The following CFAP52 variants were observed in gnomAD, a reference collection of about 807,000 sequenced individuals.
CFAP52 encodes cilia and flagella associated protein 52.
In CFAP52, 57 loss-of-function variants were observed where a neutral mutation model predicts 70.5. The observed-to-expected ratio is 0.81, with a 90% CI of 0.65 to 1.01. The LOEUF (loss-of-function observed/expected upper bound fraction) is 1.01. Ranked by LOEUF, CFAP52 falls within the 50% of genes least tolerant of loss-of-function variation. The pLI is 0.00. For synonymous variants in CFAP52, 267 were observed against 292.5 expected (o/e 0.91, Z 0.89); for missense variants, 785 against 788.5 (o/e 1.00, Z 0.05).
intron 1 of CFAP52, among the ~76,000 whole-genome samples, chr17:9,582,008 TGTA>T (rs1908250433): frequency 6.6e-6 from 1 of 152,230 alleles, no homozygotes; most frequent in Non-Finnish European, 1.5e-5. Flanking sequence ...GTGAGCAATA[TGTA>T]TTCCTTCCAT....
intron 9 of CFAP52, 73 bp from the exon 10 acceptor site, chr17:9,632,815 G>C: frequency 1.3e-6 from 2 of 1,555,148 alleles, no homozygotes; most frequent in Non-Finnish European, 1.7e-6. Flanking sequence ...CCTCTCCTTA[G>C]TGAGGCCAGC....
intron 4 of CFAP52, among the ~76,000 whole-genome samples, chr17:9,594,859 T>C (rs1349419203): frequency 1.3e-5 from 2 of 151,418 alleles, no homozygotes; most frequent in African/African-American, 4.8e-5. Context: ...GATTCACTAA[T>C]TAGAACCTTG....
chr17:9,605,072 T>C (rs2151938785), intron 6 of CFAP52, among the ~76,000 whole-genome samples: 1 of 152,306 alleles, frequency 6.6e-6, no homozygotes, highest in African/African-American at 2.4e-5. Flanking sequence ...TACCATGTAA[T>C]GCAGCAGTTG....
Position 9,594,191 on chromosome 17 carries a change from A to G in CFAP52, c.408-2A>G. ...TTTTTTTGGTCCCTCTTATTTTGGC[A>G]GTGTGGTGGTGTGGAGCATAGCCAA... On this transcript the variant is annotated splice_acceptor_variant, in intron 3 of 13. Transcript: ENST00000352665. LOFTEE classifies it high-confidence loss of function. 1 of 1,562,522 alleles carries G rather than the reference A, an allele frequency of 6.4e-7. No homozygotes were observed. Among genetic ancestry groups the G allele is most frequent in the Non-Finnish European group, 8.6e-7 (1 of 1,157,508 alleles).
chr17:9,638,772 G>A (rs1910923003), intron 12 of CFAP52, 61 bp downstream of exon 12: 1 of 1,536,150 alleles, frequency 6.5e-7, no homozygotes. Flanking sequence ...GTGAGGCGTT[G>A]TGGTGGAGGG....
rs180713526 is a variant in CFAP52 at position 9,627,475 on chromosome 17, G to A, written c.1026-1197G>A. Among the ~76,000 whole-genome samples, 202 of 152,212 alleles carry A rather than the reference G, an allele frequency of 1.3e-3. 1 individual carries two copies. The highest frequency in any genetic ancestry group is 2.1e-3 in the Non-Finnish European group (143 of 68,010). On this transcript the variant is annotated intron_variant, in intron 8 of 13. Transcript: ENST00000352665. ...GCCAAGATCGGACCATTGCACTCCA[G>A]CCCAGGCAACAGAGTGAGACTCCAT...
intron 11 of CFAP52, among the ~76,000 whole-genome samples, chr17:9,637,837 A>T (rs1055376024): frequency 1.3e-5 from 2 of 152,176 alleles, no homozygotes; most frequent in African/African-American, 4.8e-5. Context: ...GGCCTCCCAC[A>T]AGTGCTGGGA....
intron 1 of CFAP52, among the ~76,000 whole-genome samples, chr17:9,583,323 A>G (rs2151926351): frequency 6.6e-6 from 1 of 152,312 alleles, no homozygotes; most frequent in South Asian, 2.1e-4. Context: ...CATTTGAGCA[A>G]AAATAATCCA....
chr17:9,602,586 T>C (rs1909321179), intron 6 of CFAP52, among the ~76,000 whole-genome samples: 1 of 152,230 alleles, frequency 6.6e-6, no homozygotes, highest in Non-Finnish European at 1.5e-5. Flanking sequence ...ACAATAAACA[T>C]ACATGTGCAT....
intron 8 of CFAP52, among the ~76,000 whole-genome samples, chr17:9,613,762 A>G (rs1478344231): frequency 2.0e-5 from 3 of 151,668 alleles, no homozygotes; most frequent in Non-Finnish European, 2.9e-5. Context: ...CAAGTGATCC[A>G]CCCACCTCAG....
intron 3 of CFAP52, chr17:9,590,052 G>A (rs1019345050): frequency 4.0e-5 from 7 of 175,274 alleles, no homozygotes; most frequent in Admixed American, 1.1e-4. Context: ...TTTGTCTGCC[G>A]TCAGCTCATG....
chr17:9,635,425 C>T lies in CFAP52; in HGVS notation c.1341C>T (p.Gly447=). The T allele has an allele frequency of 4.3e-6, 7 of 1,614,090 alleles. No individual in the cohort carries two copies. The highest frequency in any genetic ancestry group is 5.9e-6 in the Non-Finnish European group (7 of 1,180,034). The change falls in exon 11 of 14, where the codon GGC becomes GGT. Residue 447 remains glycine, a synonymous_variant. Transcript: ENST00000352665. ...TTCAGGTGAGGGTATGGCAGATAGG[C>T]TGTCAGACCCAGAAGCTGGAGGAGG... The part of the protein sequence containing the change: ...GEGEVRVWQI[G]CQTQKLEEAL...
intron 3 of CFAP52, 75 bp downstream of exon 3, chr17:9,586,909 A>T: frequency 1.4e-6 from 2 of 1,458,908 alleles, no homozygotes; most frequent in South Asian, 3.0e-5. Context: ...GTACATGTGC[A>T]GGTTTGTTAT....
chr17:9,630,522 C>T (rs1474137268), intron 9 of CFAP52, among the ~76,000 whole-genome samples: 3 of 149,318 alleles, frequency 2.0e-5, no homozygotes, highest in African/African-American at 5.0e-5. Context: ...CTCCGCCTCC[C>T]GGGTTCACGC....
At chr17:9,611,932 A>C (rs1891293678) in intron 7 of CFAP52, among the ~76,000 whole-genome samples, 1 of 152,084 alleles carries the variant, frequency 6.6e-6, no homozygotes, top group Non-Finnish European at 1.5e-5. Flanking sequence ...CTTTGACGTA[A>C]AGCATCTTCC....
chr17:9,632,831 G>A (rs1399939716), intron 9 of CFAP52, 57 bp from the exon 10 acceptor site: 3 of 1,584,086 alleles, frequency 1.9e-6, no homozygotes, highest in African/African-American at 1.3e-5. Context: ...CCAGCAGACT[G>A]TGGAGAGAGG....
chr17:9,638,634 C>T lies in CFAP52; in HGVS notation c.1498C>T (p.Leu500=). The change falls in exon 12 of 14, where the codon CTA becomes TTA. Residue 500 remains leucine, a synonymous_variant. Coordinates refer to ENST00000352665, the MANE Select transcript of CFAP52 (RefSeq NM_145054.5). ...GCGTCTCAGGAGGAATCAGATGATA[C>T]TAGCCAACACCTTATTCCAGTGTGT... The part of the protein sequence containing the change: ...LVRLRRNQMI[L]ANTLFQCVCY... 3.1e-6 allele frequency: 5 copies of T among 1,614,162 alleles called. No individual in the cohort carries two copies. Among genetic ancestry groups the T allele is most frequent in the Non-Finnish European group, 4.2e-6 (5 of 1,180,018 alleles).
rs1427827028 is a variant in CFAP52 at position 9,636,924 on chromosome 17, T to A, written c.1472+1368T>A. 5.9e-5 allele frequency among the ~76,000 whole-genome samples: 9 copies of A among 152,064 alleles called. No homozygotes were observed. In the East Asian group the frequency reaches 1.6e-3, roughly 26 times the overall value. On this transcript the variant is annotated intron_variant, in intron 11 of 13. Coordinates refer to ENST00000352665, the MANE Select transcript of CFAP52 (RefSeq NM_145054.5). The stretch of plus-strand genomic sequence containing the variant: ...GCTGGGCGTGGTGGCGCGTGCCTGT[T>A]ATCCCAGCTACTCAGGAGGCTGAGG...
Position 9,631,036 on chromosome 17 carries a change from G to GAA in CFAP52, c.1175-1851_1175-1850insAA, listed in dbSNP as rs1567634871. Among the ~76,000 whole-genome samples, 118 of 50,940 alleles carry GAA rather than the reference G, an allele frequency of 2.3e-3. 3 individuals carry two copies. Among genetic ancestry groups the GAA allele is most frequent in the African/African-American group, 9.6e-3 (107 of 11,164 alleles). The allele number at this position is 50,940 out of a possible 152,430, so 33.4% of individuals were successfully genotyped here. ...AAAGAAAGAAAGAAAGAAAGAGAGA[G>GAA]AGAGAGAGAGAGAGAGAGAAAGAAA... On this transcript the variant is annotated intron_variant, in intron 9 of 13. Coordinates refer to ENST00000352665, the MANE Select transcript of CFAP52 (RefSeq NM_145054.5).
Sources: allele counts gnomAD v4.1 joint callset (sites outside exome capture counted in the v4.1 genomes callset), GRCh38; gene constraint gnomAD v4.1.1; transcripts MANE v1.5; gene names NCBI Gene and HGNC (gene_info 2026-07-23, HGNC 2026-07-21).